Variants in ARMCX4 observed in about 807,000 individuals in gnomAD.
ARMCX4 encodes armadillo repeat-containing X-linked protein 4.
Under a neutral mutation model 34.7 loss-of-function variants are expected in ARMCX4, and 3 were observed. The observed-to-expected ratio is 0.09, with a 90% CI of 0.04 to 0.22. The LOEUF (loss-of-function observed/expected upper bound fraction) is 0.22, where lower values mean the gene tolerates loss of function less well. Among genes scored for constraint, ARMCX4 ranks in the 10% least tolerant of loss-of-function variants. The pLI is 1.00. For missense variants in ARMCX4, 1,448 were observed against 1,720.8 expected, an observed-to-expected ratio of 0.84 and a Z score of 2.81; for synonymous variants, 513 against 632.8, an observed-to-expected ratio of 0.81 and a Z score of 2.84.
downstream of ARMCX4, among the ~76,000 whole-genome samples, chrX:101,449,583 C>T (rs782664484): frequency 1.4e-3 from 155 of 111,967 alleles, 3 homozygotes; most frequent in Non-Finnish European, 1.5e-3. Flanking sequence ...TTCTTTGTTA[C>T]ATTTATCTGG....
At chrX:101,422,978 T>G (rs1929364269) in intron 2 of ARMCX4, among the ~76,000 whole-genome samples, 1 of 111,055 alleles carries the variant, frequency 9.0e-6, no homozygotes, top group Non-Finnish European at 1.9e-5. Context: ...GGCGCAATCT[T>G]GGCTCAGTGC....
chrX:101,473,044 T>C (rs1207092834), intron 4 of ARMCX4, among the ~76,000 whole-genome samples: 1 of 111,191 alleles, frequency 9.0e-6, no homozygotes, highest in Non-Finnish European at 1.9e-5. Flanking sequence ...CCCGTCAGTG[T>C]GCTGTATTCA....
intron 2 of ARMCX4, among the ~76,000 whole-genome samples, chrX:101,438,917 T>C (rs1270193430): frequency 8.9e-6 from 1 of 111,969 alleles, no homozygotes. Flanking sequence ...GTCTTGACTC[T>C]TTATCCAATT....
intron 11 of ARMCX4, among the ~76,000 whole-genome samples, chrX:101,531,010 C>T (rs1935117681): frequency 8.9e-6 from 1 of 112,211 alleles, no homozygotes; most frequent in Non-Finnish European, 1.9e-5. Flanking sequence ...AATTTATTAT[C>T]ATACAGTTCT....
At chrX:101,432,434 A>C (rs1189544652) in intron 2 of ARMCX4, among the ~76,000 whole-genome samples, 1 of 111,355 alleles carries the variant, frequency 9.0e-6, no homozygotes. Flanking sequence ...AGGCTGAGGC[A>C]GTAGGATCAC....
Position 101,526,610 on chromosome X carries a change from G to A in ARMCX4, c.*1781-5034G>A, listed in dbSNP as rs187451436. Among the ~76,000 whole-genome samples, 389 of 111,692 alleles carry A rather than the reference G, an allele frequency of 3.5e-3. 6 individuals are homozygous for A. The highest frequency in any genetic ancestry group is 0.012 in the African/African-American group (358 of 30,701). ...ACCCATCTCACGTGCAGAGACACAC[G>A]TAGGCTCAAAATAAAGGGATGGATG... On this transcript the variant is annotated intron_variant and NMD_transcript_variant, in intron 11 of 12. Transcript: ENST00000354842.
intron 2 of ARMCX4, among the ~76,000 whole-genome samples, chrX:101,442,209 C>T (rs1302445323): frequency 1.8e-5 from 2 of 112,017 alleles, no homozygotes; most frequent in Non-Finnish European, 3.8e-5. Flanking sequence ...GCGCTGTCAG[C>T]AAAAAAATGA....
intron 11 of ARMCX4, among the ~76,000 whole-genome samples, chrX:101,526,952 G>A (rs1369460654): frequency 1.8e-5 from 2 of 111,564 alleles, no homozygotes; most frequent in Non-Finnish European, 3.8e-5. Flanking sequence ...GGATATCCAG[G>A]ACTTGAACTC....
chrX:101,454,307 G>A (rs1286775946), intron 4 of ARMCX4, among the ~76,000 whole-genome samples: 1 of 104,519 alleles, frequency 9.6e-6, no homozygotes, highest in Admixed American at 1.1e-4. Flanking sequence ...ATGGAGTCTC[G>A]CTCTGTCGCC....
chrX:101,458,686 C>T (rs1330625507), intron 4 of ARMCX4, among the ~76,000 whole-genome samples: 1 of 110,278 alleles, frequency 9.1e-6, no homozygotes, highest in African/African-American at 3.3e-5. Flanking sequence ...GGGATTTTAT[C>T]ATGTTGGCCA....
intron 7 of ARMCX4, among the ~76,000 whole-genome samples, chrX:101,500,966 A>G (rs183884386): frequency 2.7e-5 from 3 of 112,198 alleles, no homozygotes; most frequent in East Asian, 5.6e-4. Context: ...TGGGAGATGA[A>G]CCCTACAAAG....
At chrX:101,473,031 A>C (rs1254679917) in intron 4 of ARMCX4, among the ~76,000 whole-genome samples, 1 of 111,074 alleles carries the variant, frequency 9.0e-6, no homozygotes, top group East Asian at 2.8e-4. Flanking sequence ...TAAAGATTCA[A>C]GACCCGTCAG....
Position 101,467,458 on chromosome X carries a change from A to G in ARMCX4, c.-472-18565A>G, listed in dbSNP as rs782349796. Among the ~76,000 whole-genome samples, 6 of 112,480 alleles carry G rather than the reference A, an allele frequency of 5.3e-5. No individual in the cohort carries two copies. In the South Asian group the frequency reaches 2.2e-3, roughly 41 times the overall value. ...GATCCACCACACCTGGCCAAAACCTATGAATTTAAAAAAGGCTGGAAAGAA... is the reference window on the plus strand; with the variant it reads ...GATCCACCACACCTGGCCAAAACCTGTGAATTTAAAAAAGGCTGGAAAGAA... On this transcript the variant is annotated intron_variant and NMD_transcript_variant, in intron 4 of 15. Coordinates refer to the ARMCX4 transcript ENST00000433011.
At chrX:101,507,753 T>C (rs1288678844) in intron 8 of ARMCX4, among the ~76,000 whole-genome samples, 1 of 112,126 alleles carries the variant, frequency 8.9e-6, no homozygotes, top group Non-Finnish European at 1.9e-5. Flanking sequence ...CTGGTAATTA[T>C]TGGATATAAA....
At chrX:101,433,150 A>G (rs1182112069) in intron 2 of ARMCX4, among the ~76,000 whole-genome samples, 1 of 107,578 alleles carries the variant, frequency 9.3e-6, no homozygotes, top group Non-Finnish European at 1.9e-5. Flanking sequence ...ATACTCACAT[A>G]TACACATATG....
chrX:101,437,946 T>C (rs149057666), intron 2 of ARMCX4, among the ~76,000 whole-genome samples: 1,738 of 111,719 alleles, frequency 0.016, 37 homozygotes, highest in African/African-American at 0.054. Context: ...TTCCAAGTAG[T>C]TGAGCGGTTT....
intron 11 of ARMCX4, among the ~76,000 whole-genome samples, chrX:101,523,183 C>T (rs1045919676): frequency 1.8e-5 from 2 of 111,923 alleles, no homozygotes; most frequent in Non-Finnish European, 3.8e-5. Flanking sequence ...TGAGCAAATA[C>T]TGACTCAACC....
In ARMCX4 at chrX:101,491,967, C is replaced by T. The variant is rs1391804445; in HGVS notation, c.3378C>T (p.Ser1126=). ...CCATGGATGGAGACTGGGAAAATAG[C>T]GTGTCCTGGGCTGATGATGAGAATG... ...FQTMDGDWEN[S]VSWADDENEA... is the part of the protein sequence containing the mutation. The change falls in exon 6 of 6, where the codon AGC becomes AGT. Residue 1126 remains serine (S), a synonymous_variant. Transcript: ENST00000423738. The T allele has an allele frequency of 3.5e-6, 4 of 1,154,039 alleles. No homozygotes were observed. The highest frequency in any genetic ancestry group is 3.6e-5 in the African/African-American group (2 of 55,952).
Position 101,491,848 on chromosome X carries a change from A to G in ARMCX4, c.3259A>G (p.Lys1087Glu). 8.7e-7 allele frequency: 1 copy of G among 1,156,036 alleles called. No individual in the cohort carries two copies. The highest frequency in any genetic ancestry group is 1.1e-6 in the Non-Finnish European group (1 of 872,624). ...EGGSGTQACR[K>E]TQPNIHDYYW... ...TGGGTCAGGCACTCAAGCCTGCAGA[A>G]AGACTCAGCCTAACATCCATGACTA... Residue 1087 changes from lysine to glutamate, a missense_variant, in exon 6 of 6, where the codon AAG becomes GAG. Around this residue, in one of 2 missense-constraint regions of ARMCX4, gnomAD observed 1,343 missense variants for 1,540.7 expected, o/e 0.87. Transcript: ENST00000423738.
Sources: allele counts gnomAD v4.1 joint callset (sites outside exome capture counted in the v4.1 genomes callset), GRCh38; gene constraint gnomAD v4.1.1; regional missense constraint gnomAD v4.1.1; transcripts MANE v1.5; gene names NCBI Gene and HGNC (gene_info 2026-07-23, HGNC 2026-07-21).